Variants in LLGL1 observed in about 807,000 individuals in gnomAD.
LLGL1 encodes the protein LLGL scribble cell polarity complex component 1.
Under a neutral mutation model 110.6 loss-of-function variants are expected in LLGL1, and 58 were observed. That is an observed-to-expected ratio of 0.52 (90% CI 0.42 to 0.65). The LOEUF is 0.65. LLGL1 is among the 30% of genes least tolerant of loss of function. The pLI is 0.00. For synonymous variants in LLGL1, 674 were observed against 607.2 expected (o/e 1.11, Z -1.62); for missense variants, 1,229 against 1,462.1 (o/e 0.84, Z 2.60).
chr17:18,226,147 CTGCCTCTGCCCCT>C (rs1294396423), intron 1 of LLGL1, among the ~76,000 whole-genome samples: 3 of 152,094 alleles, frequency 2.0e-5, no homozygotes, highest in Non-Finnish European at 2.9e-5. Flanking sequence ...GGGGGTGTCT[CTGCCTCTGCCCCT>C]TCCTATCTCT....
intron 22 of LLGL1, 120 bp downstream of exon 22, chr17:18,242,942 C>G (rs977150129): frequency 1.1e-6 from 1 of 933,218 alleles, no homozygotes; most frequent in Admixed American, 3.0e-5. Context: ...TGTGATGGCA[C>G]TCTCTGAAAC....
intron 13 of LLGL1, chr17:18,237,187 T>G (rs2047712404): frequency 6.7e-6 from 4 of 595,496 alleles, no homozygotes; most frequent in Non-Finnish European, 1.2e-5. Context: ...ATACAGGAGG[T>G]GCTCAATGTG....
chr17:18,231,362 C>T (rs1354631399), intron 2 of LLGL1, among the ~76,000 whole-genome samples: 4 of 152,226 alleles, frequency 2.6e-5, no homozygotes, highest in Non-Finnish European at 5.9e-5. Context: ...CGGAGTTTCT[C>T]GCCAGGCTCC....
Position 18,242,625 on chromosome 17 carries a change from TG to T in LLGL1, c.3116+1del. ...ACAGTGGAAGATGTGAAGGATTTCC[TG>T]GGGTGAGGCTGGTGGGCAGGTCCAC... Reference protein sequence around the residue: ...DVTVEDVKDFLGSSEESEKNL... With the variant: ...DVTVEDVKDFXGSSEESEKNL... On this transcript the variant is annotated frameshift_variant and splice_region_variant, in exon 21 of 23. Coordinates refer to ENST00000316843, the MANE Select transcript of LLGL1 (RefSeq NM_004140.4). LOFTEE classifies it high-confidence loss of function. The T allele has an allele frequency of 1.9e-6, 3 of 1,609,364 alleles. No individual in the cohort carries two copies. The highest frequency in any genetic ancestry group is 2.5e-6 in the Non-Finnish European group (3 of 1,177,670).
chr17:18,233,302 G>A (rs1331608880), intron 4 of LLGL1, among the ~76,000 whole-genome samples: 1 of 152,146 alleles, frequency 6.6e-6, no homozygotes, highest in Non-Finnish European at 1.5e-5. Flanking sequence ...AGAGTGTGGG[G>A]CATCTCTCTC....
chr17:18,225,893 G>A, intron 1 of LLGL1, 130 bp downstream of exon 1: 1 of 222,614 alleles, frequency 4.5e-6, no homozygotes, highest in Non-Finnish European at 7.5e-6. Flanking sequence ...GCGGGGCGGG[G>A]CCGGGCCGGG....
At chr17:18,235,656 T>A in intron 11 of LLGL1, 119 bp downstream of exon 11, 2 of 929,492 alleles carry the variant, frequency 2.2e-6, no homozygotes, top group Non-Finnish European at 3.2e-6. Context: ...TGGGACCAGG[T>A]AGTTCCTCCT....
intron 6 of LLGL1, 48 bp from the exon 7 acceptor site, chr17:18,234,225 C>T (rs374022813): frequency 1.1e-5 from 17 of 1,596,872 alleles, no homozygotes; most frequent in Non-Finnish European, 1.5e-5. Flanking sequence ...TTGTGCATGC[C>T]CACCATGGCT....
At chr17:18,237,981 C>T in intron 14 of LLGL1, 86 bp from the exon 15 acceptor site, 2 of 1,501,032 alleles carry the variant, frequency 1.3e-6, no homozygotes, top group Admixed American at 3.7e-5. Context: ...GACTCCCTGA[C>T]CTGGGTGCCT....
rs1159684123 is a variant in LLGL1 at position 18,238,518 on chromosome 17, C to T, written c.2115C>T (p.Pro705=). 19 of 1,612,716 alleles carry T rather than the reference C, an allele frequency of 1.2e-5. No homozygotes were observed. The highest frequency in any genetic ancestry group is 1.4e-5 in the Non-Finnish European group (16 of 1,180,016). ...QACPHDVEMT[P]VQRRIEPRSA... ...GCCCCCACGACGTGGAGATGACGCC[C>T]GTGCAGCGCCGCATTGAGCCCCGCT... Residue 705 remains proline, a synonymous_variant, in exon 16 of 23, where the codon CCC becomes CCT. Coordinates refer to ENST00000316843, the MANE Select transcript of LLGL1 (RefSeq NM_004140.4).
At chr17:18,237,794 T>A in intron 14 of LLGL1, 21 bp downstream of exon 14, 1 of 1,586,136 alleles carries the variant, frequency 6.3e-7, no homozygotes, top group East Asian at 2.3e-5. Context: ...TGGGGCCGGC[T>A]GGGCAGTTGG....
At chr17:18,228,895 G>A (rs1323724158) in intron 1 of LLGL1, among the ~76,000 whole-genome samples, 2 of 151,852 alleles carry the variant, frequency 1.3e-5, no homozygotes, top group Non-Finnish European at 2.9e-5. Context: ...GCTAGGCCGT[G>A]ACCAAACCAG....
chr17:18,241,277 G>A, intron 17 of LLGL1, 174 bp from the exon 18 acceptor site: 1 of 743,702 alleles, frequency 1.3e-6, no homozygotes, highest in Non-Finnish European at 2.1e-6. Context: ...GGTTTCTGGA[G>A]TACAGTGTGA....
chr17:18,241,801 C>T, intron 18 of LLGL1, 84 bp from the exon 19 acceptor site: 1 of 1,607,540 alleles, frequency 6.2e-7, no homozygotes, highest in Non-Finnish European at 8.5e-7. Context: ...GAAGGGCACT[C>T]CAGGTGGGCA....
In LLGL1 at chr17:18,238,332, C is replaced by T. The variant is rs1440767001; in HGVS notation, c.2052+118C>T. ...GCTCCTCCCTCGGCAGCCCCTGGGC[C>T]CTCCAGAGGGATGGGTGAACTAAGC... On this transcript the variant is annotated intron_variant, in intron 15 of 22. Coordinates refer to ENST00000316843, the MANE Select transcript of LLGL1 (RefSeq NM_004140.4). The T allele has an allele frequency of 5.7e-6, 9 of 1,569,646 alleles. No homozygotes were observed. In the South Asian group the frequency reaches 8.0e-5, roughly 14 times the overall value.
Position 18,233,852 on chromosome 17 carries a change from A to T in LLGL1, c.467A>T (p.Glu156Val). The T allele has an allele frequency of 6.2e-7, 1 of 1,613,800 alleles. No homozygotes were observed. The highest frequency in any genetic ancestry group is 1.3e-5 in the African/African-American group (1 of 75,018). The change falls in exon 5 of 23, where the codon GAG (glutamate) becomes GTG (valine). Residue 156 changes from glutamate (E) to valine (V), a missense_variant. Transcript: ENST00000316843. ...AGCGACATAGCAGCCCTGGGCACTG[A>T]GGGCAGCAGTGTCTTCTTCCTGGAT... The part of the protein sequence containing the change: ...AASDIAALGT[E>V]GSSVFFLDVT...
In LLGL1 at chr17:18,242,296, G is replaced by A; in HGVS notation, c.2995+18G>A. Reference sequence around the variant, plus strand: ...GGGACCTGGTGAGGGGGGCATGAAAGGGGTCCAGACCCTGGCCCCACGGTG... The same window carrying A: ...GGGACCTGGTGAGGGGGGCATGAAAAGGGTCCAGACCCTGGCCCCACGGTG... On this transcript the variant is annotated intron_variant, in intron 20 of 22. Transcript: ENST00000316843. The A allele has an allele frequency of 6.2e-7, 1 of 1,604,730 alleles. No individual in the cohort carries two copies. Among genetic ancestry groups the A allele is most frequent in the Non-Finnish European group, 8.5e-7 (1 of 1,171,810 alleles).
chr17:18,237,083 T>A (rs1597871903), intron 13 of LLGL1, 144 bp downstream of exon 13: 1 of 687,490 alleles, frequency 1.5e-6, no homozygotes, highest in Non-Finnish European at 2.5e-6. Flanking sequence ...CTGGCTGGGG[T>A]GAGGACAGAT....
Position 18,232,785 on chromosome 17 carries a change from C to T in LLGL1, c.375C>T (p.Pro125=), listed in dbSNP as rs113943896. Residue 125 remains proline, a synonymous_variant, in exon 4 of 23, where the codon CCC becomes CCT. Transcript: ENST00000316843. ...EALSFQLPSR[P]GFDGASAPLS... ...TCAGTTTCCAGCTGCCCAGCCGGCC[C>T]GGCTTTGATGGTGCCAGGTACTGGA... 3,020 of 1,613,954 alleles carry T rather than the reference C, an allele frequency of 1.9e-3. 44 individuals carry two copies. In the African/African-American group the frequency reaches 0.034, roughly 18 times the overall value.
Sources: allele counts gnomAD v4.1 joint callset (sites outside exome capture counted in the v4.1 genomes callset), GRCh38; gene constraint gnomAD v4.1.1; transcripts MANE v1.5; gene names NCBI Gene and HGNC (gene_info 2026-07-23, HGNC 2026-07-21).